The following CLEC16A variants were observed in gnomAD, a reference collection of about 807,000 sequenced individuals.
CLEC16A encodes protein CLEC16A.
A neutral mutation model predicts 109.5 loss-of-function variants in CLEC16A; 51 were observed. That is an observed-to-expected ratio of 0.47 (90% CI 0.37 to 0.59). The LOEUF is 0.59. Ranked by LOEUF, CLEC16A falls within the 20% of genes least tolerant of loss-of-function variation. CLEC16A has a pLI of 0.00. For synonymous variants in CLEC16A, 673 were observed against 564.2 expected (o/e 1.19, Z -2.73); for missense variants, 1,339 against 1,394.0 (o/e 0.96, Z 0.63).
At chr16:11,040,807 T>C (rs7185491) in intron 14 of CLEC16A, 101,965 of 152,058 alleles carry the variant, frequency 0.67, 36,275 homozygotes, top group African/African-American at 0.92. Context: ...CCACTGCGCC[T>C]GGCCTGCTGT....
At chr16:11,054,932 CTTTTT>C (rs151109740) in intron 18 of CLEC16A, among the ~76,000 whole-genome samples, 3 of 130,612 alleles carry the variant, frequency 2.3e-5, no homozygotes, top group African/African-American at 2.8e-5. Context: ...GGTTTTCTTT[CTTTTT>C]TTTTTTTTTT....
At chr16:11,136,070 A>G (rs566445067) in intron 22 of CLEC16A, 7 of 152,446 alleles carry the variant, frequency 4.6e-5, no homozygotes, top group African/African-American at 1.4e-4. Flanking sequence ...TTTTCCCAGC[A>G]GCAGAGTATT....
chr16:11,138,081 A>G (rs2053653378), intron 22 of CLEC16A, among the ~76,000 whole-genome samples: 1 of 151,942 alleles, frequency 6.6e-6, no homozygotes, highest in Non-Finnish European at 1.5e-5. Context: ...TAGGGAAAGA[A>G]TTGGCATTTT....
At chr16:11,050,686 G>C (rs2047891435) in intron 17 of CLEC16A, among the ~76,000 whole-genome samples, 1 of 152,196 alleles carries the variant, frequency 6.6e-6, no homozygotes, top group Non-Finnish European at 1.5e-5. Flanking sequence ...GAAAGAGGCC[G>C]TCAGCTCTGG....
In CLEC16A at chr16:11,135,270, G is replaced by C. The variant is rs560276803; in HGVS notation, c.2641+9124G>C. Among the ~76,000 whole-genome samples the C allele has an allele frequency of 3.7e-4, 57 of 152,242 alleles. 1 individual carries two copies. The Middle Eastern group carries it at 0.017, about 45-fold the overall frequency. On this transcript the variant is annotated intron_variant, in intron 22 of 23. Transcript: ENST00000409790. Reference sequence around the variant, plus strand: ...TCCTGTTTGCCAAGCCTCTTTTCAGGGCTCCAGAGCAGCTGTGGAGAGAGA... The same window carrying C: ...TCCTGTTTGCCAAGCCTCTTTTCAGCGCTCCAGAGCAGCTGTGGAGAGAGA...
intron 21 of CLEC16A, among the ~76,000 whole-genome samples, chr16:11,125,302 T>G (rs1157958055): frequency 5.3e-5 from 8 of 152,166 alleles, no homozygotes; most frequent in African/African-American, 1.9e-4. Flanking sequence ...TCAGAGAGTT[T>G]TTTTTTTTTC....
At chr16:11,104,887 C>G (rs2051126106) in intron 19 of CLEC16A, among the ~76,000 whole-genome samples, 1 of 152,170 alleles carries the variant, frequency 6.6e-6, no homozygotes, top group Non-Finnish European at 1.5e-5. Flanking sequence ...TGTGGAAGGT[C>G]CAGAGCAGAG....
chr16:11,165,706 G>A (rs1013976947), intron 22 of CLEC16A, among the ~76,000 whole-genome samples: 1 of 152,140 alleles, frequency 6.6e-6, no homozygotes, highest in East Asian at 1.9e-4. Context: ...CCAGGTCTGA[G>A]TGTCTCCAAG....
chr16:10,969,892 G>A lies in CLEC16A; in HGVS notation c.492+583G>A, dbSNP rs529063959. Among the ~76,000 whole-genome samples, 4 of 152,286 alleles carry A rather than the reference G, an allele frequency of 2.6e-5. No individual in the cohort carries two copies. In the South Asian group the frequency reaches 8.3e-4, roughly 32 times the overall value. ...AATATACATCTTGTAGGGTTATTAG[G>A]GGTTAAATTAAATGAGATGATGTCT... On this transcript the variant is annotated intron_variant, in intron 4 of 23. Transcript: ENST00000409790.
At chr16:11,157,530 T>C (rs2054579449) in intron 22 of CLEC16A, among the ~76,000 whole-genome samples, 1 of 152,226 alleles carries the variant, frequency 6.6e-6, no homozygotes, top group South Asian at 2.1e-4. Context: ...CCTGAAGCTT[T>C]CCCAAACTTC....
chr16:11,053,801 C>T (rs2048071585), intron 18 of CLEC16A, among the ~76,000 whole-genome samples: 2 of 152,160 alleles, frequency 1.3e-5, no homozygotes, highest in Non-Finnish European at 2.9e-5. Flanking sequence ...GCATTCTGAT[C>T]CACTGCTTCC....
intron 13 of CLEC16A, among the ~76,000 whole-genome samples, chr16:11,028,293 G>T (rs757366516): frequency 6.6e-6 from 1 of 152,196 alleles, no homozygotes; most frequent in South Asian, 2.1e-4. Context: ...TACATTGGGT[G>T]CTGCGTCGTC....
chr16:10,945,779 C>A (rs928493848), intron 1 of CLEC16A, among the ~76,000 whole-genome samples: 2 of 152,210 alleles, frequency 1.3e-5, no homozygotes, highest in Admixed American at 6.5e-5. Context: ...GTGCTCCCCC[C>A]ATCCCAGTTC....
intron 3 of CLEC16A, among the ~76,000 whole-genome samples, chr16:10,968,879 T>C (rs968948042): frequency 6.6e-6 from 1 of 152,188 alleles, no homozygotes; most frequent in Admixed American, 6.5e-5. Context: ...TTGTTGCACT[T>C]TGCCATCAAT....
chr16:11,051,336 A>G (rs560849762), intron 17 of CLEC16A, among the ~76,000 whole-genome samples, 177 bp from the exon 18 acceptor site: 37 of 152,310 alleles, frequency 2.4e-4, no homozygotes, highest in Non-Finnish European at 4.6e-4. Flanking sequence ...CAAAAGGCAT[A>G]TTGCTCCCTT....
At chr16:10,951,183 G>GA in intron 1 of CLEC16A, among the ~76,000 whole-genome samples, 1 of 152,124 alleles carries the variant, frequency 6.6e-6, no homozygotes, top group East Asian at 1.9e-4. Context: ...TCTTCTCCAG[G>GA]CATTTCAAAC....
intron 22 of CLEC16A, among the ~76,000 whole-genome samples, chr16:11,159,178 CTG>C (rs2054633583): frequency 6.6e-6 from 1 of 152,244 alleles, no homozygotes; most frequent in Admixed American, 6.5e-5. Context: ...AAGCTGGAAT[CTG>C]TGCTTTCTGA....
At chr16:11,172,049 CACAT>C (rs1247021149) in intron 23 of CLEC16A, among the ~76,000 whole-genome samples, 21 of 152,220 alleles carry the variant, frequency 1.4e-4, no homozygotes, top group African/African-American at 4.3e-4. Flanking sequence ...CACTCCCACA[CACAT>C]ACATGCACAC....
intron 13 of CLEC16A, among the ~76,000 whole-genome samples, chr16:11,029,215 C>G (rs1277745400): frequency 6.6e-6 from 1 of 152,170 alleles, no homozygotes; most frequent in African/African-American, 2.4e-5. Context: ...AGACATTACC[C>G]TTCTGAGACT....
Sources: allele counts gnomAD v4.1 joint callset (sites outside exome capture counted in the v4.1 genomes callset), GRCh38; gene constraint gnomAD v4.1.1; transcripts MANE v1.5; gene names NCBI Gene and HGNC (gene_info 2026-07-23, HGNC 2026-07-21).